Variants in RYK observed in about 807,000 individuals in gnomAD.
RYK encodes inactive tyrosine-protein kinase RYK.
RYK carries 21 observed loss-of-function variants against 70.2 expected under a neutral mutation model. The observed-to-expected ratio is 0.30, with a 90% CI of 0.21 to 0.43. The LOEUF (loss-of-function observed/expected upper bound fraction) is 0.43. Ranked by LOEUF, RYK falls within the 20% of genes least tolerant of loss-of-function variation. The pLI is 1.00. For missense variants in RYK, 604 were observed against 753.3 expected (o/e 0.80, Z 2.32); for synonymous variants, 267 against 278.0 (o/e 0.96, Z 0.39).
chr3:134,202,650 G>A (rs2014060814), intron 6 of RYK, 80 bp downstream of exon 6: 14 of 1,241,660 alleles, frequency 1.1e-5, no homozygotes, highest in South Asian at 9.7e-5. Flanking sequence ...CTGCACCACT[G>A]TGCATCGATG....
chr3:134,180,374 G>A (rs2013255886), intron 10 of RYK: 1 of 152,140 alleles, frequency 6.6e-6, no homozygotes, highest in African/African-American at 2.4e-5. Flanking sequence ...ATTTCAAAAT[G>A]CTTTAAAACA....
intron 1 of RYK, among the ~76,000 whole-genome samples, chr3:134,233,094 A>G (rs1446132248): frequency 6.6e-6 from 1 of 152,200 alleles, no homozygotes; most frequent in Non-Finnish European, 1.5e-5. Context: ...TTTCATCTGT[A>G]CTGTCTCAAG....
At chr3:134,232,760 T>C (rs1301578971) in intron 1 of RYK, among the ~76,000 whole-genome samples, 1 of 152,268 alleles carries the variant, frequency 6.6e-6, no homozygotes. Context: ...TGTTATATTG[T>C]GAGACATGTT....
chr3:134,247,201 G>C (rs188068092), intron 1 of RYK, among the ~76,000 whole-genome samples: 1 of 152,078 alleles, frequency 6.6e-6, no homozygotes, highest in South Asian at 2.1e-4. Context: ...AAAAAGTTAC[G>C]TAACTACATT....
intron 13 of RYK, among the ~76,000 whole-genome samples, chr3:134,163,232 T>C (rs922646950): frequency 2.6e-5 from 4 of 152,226 alleles, no homozygotes; most frequent in African/African-American, 7.2e-5. Flanking sequence ...TAATTACATG[T>C]TGGCAAACCA....
At chr3:134,224,215 T>C (rs1450277057) in intron 1 of RYK, among the ~76,000 whole-genome samples, 1 of 152,060 alleles carries the variant, frequency 6.6e-6, no homozygotes, top group African/African-American at 2.4e-5. Context: ...TGTTATTTAT[T>C]GTATACAAGG....
At chr3:134,173,708 G>A (rs1332558773) in intron 13 of RYK, among the ~76,000 whole-genome samples, 1 of 152,150 alleles carries the variant, frequency 6.6e-6, no homozygotes, top group Non-Finnish European at 1.5e-5. Context: ...TCCAATTCAA[G>A]ATGAGATTTT....
At chr3:134,185,689 T>C (rs1194701634) in intron 9 of RYK, among the ~76,000 whole-genome samples, 7 of 152,186 alleles carry the variant, frequency 4.6e-5, no homozygotes, top group Admixed American at 4.6e-4. Flanking sequence ...TACTGGAGGC[T>C]AGTAGGATCT....
At chr3:134,232,868 G>GA (rs1182130467) in intron 1 of RYK, among the ~76,000 whole-genome samples, 1 of 152,208 alleles carries the variant, frequency 6.6e-6, no homozygotes, top group African/African-American at 2.4e-5. Context: ...GGAATAGCAG[G>GA]AATAGAATTA....
At chr3:134,220,215 CG>C (rs1239644310) in intron 2 of RYK, among the ~76,000 whole-genome samples, 1 of 152,100 alleles carries the variant, frequency 6.6e-6, no homozygotes, top group Non-Finnish European at 1.5e-5. Context: ...AGAAAGGCTA[CG>C]GAACTGTTCC....
chr3:134,238,145 T>C (rs748887070), intron 1 of RYK, among the ~76,000 whole-genome samples: 1 of 152,236 alleles, frequency 6.6e-6, no homozygotes, highest in Non-Finnish European at 1.5e-5. Flanking sequence ...AATGTTTAAC[T>C]ACATTATAAG....
Position 134,177,383 on chromosome 3 carries a change from C to CAA in RYK, c.1305+556_1305+557dup, listed in dbSNP as rs75761758. Among the ~76,000 whole-genome samples the CAA allele has an allele frequency of 9.2e-5, 14 of 151,880 alleles. No individual in the cohort carries two copies. The East Asian group carries it at 1.2e-3, about 13-fold the overall frequency. On this transcript the variant is annotated intron_variant, in intron 11 of 14. Transcript: ENST00000623711. ...TGGGACAACAAGATACAGCTGACAGCAAAAAAAACCCACTAGGCTTTACTA... is the reference window on the plus strand; with the variant it reads ...TGGGACAACAAGATACAGCTGACAGCAAAAAAAAAACCCACTAGGCTTTACTA...
intron 13 of RYK, among the ~76,000 whole-genome samples, chr3:134,173,665 T>C (rs945001532): frequency 1.3e-5 from 2 of 152,234 alleles, no homozygotes; most frequent in African/African-American, 4.8e-5. Flanking sequence ...TCTCCACCCT[T>C]GGTCTCGCCC....
At chr3:134,233,185 A>G (rs1333764000) in intron 1 of RYK, among the ~76,000 whole-genome samples, 4 of 152,246 alleles carry the variant, frequency 2.6e-5, no homozygotes, top group Non-Finnish European at 4.4e-5. Context: ...GGGCTGCCCA[A>G]GTGATCTCAC....
In RYK at chr3:134,199,568, G is replaced by A. The variant is rs62271184; in HGVS notation, c.788+3162C>T. On this transcript the variant is annotated intron_variant, in intron 6 of 14. Transcript: ENST00000623711. ...AAGATAATACATATAAAGTACCTGG[G>A]GTACAGTACTGGTAAACAGAAAACA... 3.0e-3 allele frequency among the ~76,000 whole-genome samples: 454 copies of A among 152,236 alleles called. 3 individuals are homozygous for A. The highest frequency in any genetic ancestry group is 9.9e-3 in the African/African-American group (412 of 41,546).
At chr3:134,195,214 A>C (rs374915942) in intron 6 of RYK, 32 bp from the exon 7 acceptor site, 9 of 1,517,620 alleles carry the variant, frequency 5.9e-6, no homozygotes, top group Non-Finnish European at 7.3e-6. Context: ...AATATTTGAC[A>C]AGTCAGTTTC....
chr3:134,239,202 G>A (rs898054891), intron 1 of RYK, among the ~76,000 whole-genome samples: 1 of 152,192 alleles, frequency 6.6e-6, no homozygotes, highest in African/African-American at 2.4e-5. Context: ...GCTCACACCT[G>A]TAAACCCAGC....
chr3:134,238,512 C>A (rs2015244764), intron 1 of RYK, among the ~76,000 whole-genome samples: 1 of 152,156 alleles, frequency 6.6e-6, no homozygotes, highest in Non-Finnish European at 1.5e-5. Flanking sequence ...AGCAGGTAAG[C>A]CTACCCTTTT....
intron 1 of RYK, among the ~76,000 whole-genome samples, chr3:134,246,337 CACACACAG>C (rs1468941450): frequency 4.2e-5 from 6 of 141,768 alleles, no homozygotes; most frequent in South Asian, 4.6e-4. Flanking sequence ...CACACACACA[CACACACAG>C]AGAGAGAGAA....
Sources: gnomAD v4.1 joint callset for allele counts (sites outside exome capture counted in the v4.1 genomes callset) on GRCh38, gnomAD v4.1.1 for gene constraint, MANE v1.5 for transcripts, NCBI Gene and HGNC (gene_info 2026-07-23, HGNC 2026-07-21) for gene names.